Variants in KATNAL1 observed in about 807,000 individuals in gnomAD.
KATNAL1 encodes the protein katanin p60 ATPase-containing subunit A-like 1.
A neutral mutation model predicts 55.2 loss-of-function variants in KATNAL1; 32 were observed. The ratio of observed to expected loss-of-function variants is 0.58; its 90% CI spans 0.44 to 0.78. The LOEUF is 0.78. Among genes scored for constraint, KATNAL1 ranks in the 30% least tolerant of loss-of-function variants. The pLI, the probability that KATNAL1 is intolerant of heterozygous loss-of-function variation, is 0.00. For missense variants in KATNAL1, 466 were observed against 600.9 expected, an observed-to-expected ratio of 0.78 and a Z score of 2.35; for synonymous variants, 193 against 193.6, an observed-to-expected ratio of 1.00 and a Z score of 0.02.
At chr13:30,280,369 T>C in intron 2 of KATNAL1, 146 bp from the exon 3 acceptor site, 1 of 575,044 alleles carries the variant, frequency 1.7e-6, no homozygotes, top group East Asian at 3.2e-5. Flanking sequence ...CAAAGAACTA[T>C]TTCAAGTAAT....
rs377752154 is a variant in KATNAL1, at chr13:30,219,325, A to G, written c.1147+8087T>C. On this transcript the variant is annotated intron_variant, in intron 9 of 10. Coordinates refer to ENST00000380615, the MANE Select transcript of KATNAL1 (RefSeq NM_032116.5). The stretch of plus-strand genomic sequence containing the variant: ...CTCCAGCCCCAAAACCTATCTATCT[A>G]TTCATTTTCAAGCACCCATGGCTTC... Among the ~76,000 whole-genome samples, 408 of 152,194 alleles carry G rather than the reference A, an allele frequency of 2.7e-3. 1 individual carries two copies. Among genetic ancestry groups the G allele is most frequent in the Admixed American group, 0.015 (229 of 15,284 alleles).
chr13:30,249,220 G>A (rs939104771), intron 4 of KATNAL1, among the ~76,000 whole-genome samples: 2 of 150,818 alleles, frequency 1.3e-5, no homozygotes, highest in Admixed American at 6.6e-5. Context: ...CGACAAGAGC[G>A]AAATTCTGTC....
intron 1 of KATNAL1, among the ~76,000 whole-genome samples, chr13:30,301,410 G>A (rs1161666590): frequency 6.6e-6 from 1 of 151,994 alleles, no homozygotes; most frequent in Non-Finnish European, 1.5e-5. Context: ...TTATCTAATT[G>A]CATAAATACC....
rs1452047612 is a variant in KATNAL1 at position 30,227,498 on chromosome 13, A to G, written c.1061T>C (p.Val354Ala). ...CCACGGGAAATTAGTAGCAGCCAAT[A>G]CCATAACCATTTTGGAAGGATCATC... is the stretch of plus-strand genomic sequence containing the variant. ...ENDDPSKMVM[V>A]LAATNFPWDI... The change falls in exon 9 of 11, where the codon GTA becomes GCA. Residue 354 changes from valine (V) to alanine (A), a missense_variant. By Grantham distance (64) the Val-to-Ala change is moderately conservative (BLOSUM62 0). This residue lies in a region of KATNAL1 where 213 missense variants were observed against 308.6 expected (regional missense o/e 0.69). Coordinates refer to ENST00000380615, the MANE Select transcript of KATNAL1 (RefSeq NM_032116.5). The G allele has an allele frequency of 6.2e-7, 1 of 1,613,926 alleles. No homozygotes were observed. The highest frequency in any genetic ancestry group is 8.5e-7 in the Non-Finnish European group (1 of 1,179,830).
At chr13:30,231,206 G>C (rs752228282) in intron 7 of KATNAL1, 108 bp downstream of exon 7, 133 of 787,232 alleles carry the variant, frequency 1.7e-4, no homozygotes, top group Middle Eastern at 1.2e-3. Context: ...TATTAAAATA[G>C]AACTACACTG....
intron 9 of KATNAL1, among the ~76,000 whole-genome samples, chr13:30,212,217 CTTCTA>C (rs1421456107): frequency 6.6e-6 from 1 of 152,088 alleles, no homozygotes; most frequent in African/African-American, 2.4e-5. Context: ...AAATGAGGAA[CTTCTA>C]TTCATCAAAA....
intron 3 of KATNAL1, among the ~76,000 whole-genome samples, chr13:30,275,276 C>T (rs375973572): frequency 1.6e-4 from 25 of 152,142 alleles, no homozygotes; most frequent in Middle Eastern, 3.4e-3. Flanking sequence ...AAAGAGTGAG[C>T]AAGAGAGGTT....
chr13:30,301,230 C>G (rs1048585795), intron 1 of KATNAL1, among the ~76,000 whole-genome samples: 1 of 152,074 alleles, frequency 6.6e-6, no homozygotes, highest in South Asian at 2.1e-4. Context: ...ATTAGCGGGG[C>G]GTGGTAGCGA....
At chr13:30,266,026 A>G (rs2137491599) in intron 3 of KATNAL1, among the ~76,000 whole-genome samples, 1 of 149,774 alleles carries the variant, frequency 6.7e-6, no homozygotes, top group African/African-American at 2.4e-5. Context: ...AAAAAAAAAA[A>G]AAAAAAAAAA....
At position 30,255,618 on chromosome 13, in the gene KATNAL1, GACAA is replaced by G; in HGVS notation, c.324-7_324-4del. 1 of 1,058,558 alleles carries G rather than the reference GACAA, an allele frequency of 9.4e-7. No individual in the cohort carries two copies. The highest frequency in any genetic ancestry group is 1.2e-6 in the Non-Finnish European group (1 of 867,182). The allele number at this position is 1,058,558 out of a possible 1,614,324, so 65.6% of individuals were successfully genotyped here. On this transcript the variant is annotated splice_polypyrimidine_tract_variant and splice_region_variant and intron_variant, in intron 3 of 10. Coordinates refer to ENST00000380615, the MANE Select transcript of KATNAL1 (RefSeq NM_032116.5). ...GACGCCTGATCTGAGGTGGAGCTCT[GACAA>G]AAAAAAAAAAAAAAAAATTAAAATT... is the stretch of plus-strand genomic sequence containing the variant.
chr13:30,269,163 G>A (rs1352999202), intron 3 of KATNAL1, among the ~76,000 whole-genome samples: 1 of 152,096 alleles, frequency 6.6e-6, no homozygotes, highest in Non-Finnish European at 1.5e-5. Flanking sequence ...TGCCATCTCG[G>A]CCCACTGCAA....
At chr13:30,226,140 G>C (rs1875443286) in intron 9 of KATNAL1, among the ~76,000 whole-genome samples, 1 of 152,152 alleles carries the variant, frequency 6.6e-6, no homozygotes, top group Non-Finnish European at 1.5e-5. Flanking sequence ...TGTTGGCAAG[G>C]ATATGGAAGT....
chr13:30,227,749 AT>A (rs71093032), intron 8 of KATNAL1, among the ~76,000 whole-genome samples: 12,363 of 148,898 alleles, frequency 0.083, 810 homozygotes, highest in East Asian at 0.34. Flanking sequence ...CTAGTGTGGG[AT>A]TTTTTTTTTC....
intron 9 of KATNAL1, among the ~76,000 whole-genome samples, chr13:30,213,996 A>C (rs937041006): frequency 6.6e-6 from 1 of 152,222 alleles, no homozygotes; most frequent in Non-Finnish European, 1.5e-5. Context: ...CCCTGTTTGC[A>C]GATGACATGA....
chr13:30,287,074 GA>G (rs1444782402), intron 1 of KATNAL1, among the ~76,000 whole-genome samples: 1 of 152,182 alleles, frequency 6.6e-6, no homozygotes. Flanking sequence ...TAGGTGGAAG[GA>G]ACTTGCCTTG....
At chr13:30,260,762 A>AT (rs1416301977) in intron 3 of KATNAL1, among the ~76,000 whole-genome samples, 2 of 148,382 alleles carry the variant, frequency 1.3e-5, no homozygotes, top group East Asian at 1.9e-4. Context: ...CCTGAAAGTG[A>AT]CGGGAGAATG....
At chr13:30,305,847 A>G (rs1883144548) in intron 1 of KATNAL1, among the ~76,000 whole-genome samples, 1 of 152,220 alleles carries the variant, frequency 6.6e-6, no homozygotes, top group Admixed American at 6.5e-5. Context: ...CCTGGCACAT[A>G]GGTTCCTAAC....
rs1372309938 is a variant in KATNAL1, at chr13:30,299,274, A to T, written c.-15+8057T>A. On this transcript the variant is annotated intron_variant, in intron 1 of 10. Coordinates refer to ENST00000380615, the MANE Select transcript of KATNAL1 (RefSeq NM_032116.5). ...AAATTTTTAGTTGTGACCTCAGGCA[A>T]ATCATATAATTTCAATAAGCCTCAA... Among the ~76,000 whole-genome samples, 5 of 152,164 alleles carry T rather than the reference A, an allele frequency of 3.3e-5. No individual in the cohort carries two copies. The South Asian group carries it at 1.0e-3, about 31-fold the overall frequency.
intron 3 of KATNAL1, among the ~76,000 whole-genome samples, chr13:30,256,897 G>A (rs1878843956): frequency 6.6e-6 from 1 of 152,130 alleles, no homozygotes; most frequent in Admixed American, 6.5e-5. Flanking sequence ...CACCCATTAG[G>A]TGGTATATGG....
Sources: gnomAD v4.1 joint callset for allele counts (sites outside exome capture counted in the v4.1 genomes callset) on GRCh38, gnomAD v4.1.1 for gene constraint, gnomAD v4.1.1 regional missense constraint, MANE v1.5 for transcripts, NCBI Gene and HGNC (gene_info 2026-07-23, HGNC 2026-07-21) for gene names.